Variants in AKT3 observed in about 807,000 individuals in gnomAD.
AKT3 encodes the protein RAC-gamma serine/threonine-protein kinase.
A neutral mutation model predicts 65.3 loss-of-function variants in AKT3; 15 were observed. The observed-to-expected ratio is 0.23, with a 90% CI of 0.15 to 0.35. The LOEUF is 0.35. AKT3 is among the 10% of genes least tolerant of loss of function. The pLI is 1.00. For synonymous variants in AKT3, 206 were observed against 183.8 expected (o/e 1.12, Z -0.98); for missense variants, 243 against 576.5 (o/e 0.42, Z 5.92).
At chr1:243,665,176 T>C (rs1469245212) in intron 3 of AKT3, among the ~76,000 whole-genome samples, 1 of 152,198 alleles carries the variant, frequency 6.6e-6, no homozygotes, top group Non-Finnish European at 1.5e-5. Flanking sequence ...CTGAAATACT[T>C]TCCTCACTTA....
At chr1:243,731,431 T>A (rs1296258807) in intron 2 of AKT3, among the ~76,000 whole-genome samples, 1 of 152,184 alleles carries the variant, frequency 6.6e-6, no homozygotes, top group Admixed American at 6.5e-5. Context: ...TCTTACTGGA[T>A]GGTCTCAGTA....
At chr1:243,780,676 A>G (rs1029058204) in intron 2 of AKT3, among the ~76,000 whole-genome samples, 2 of 151,804 alleles carry the variant, frequency 1.3e-5, no homozygotes, top group Non-Finnish European at 2.9e-5. Context: ...AGATAATACA[A>G]CTATGGAAAA....
chr1:243,526,777 GTTAAAA>G (rs1671116507), intron 12 of AKT3, among the ~76,000 whole-genome samples: 1 of 1,714 alleles, frequency 5.8e-4, no homozygotes. Context: ...ACAAAAAATG[GTTAAAA>G]AAAAAAAAAA....
chr1:243,739,973 A>G (rs758023726), intron 2 of AKT3, among the ~76,000 whole-genome samples: 3 of 152,354 alleles, frequency 2.0e-5, no homozygotes, highest in East Asian at 1.9e-4. Context: ...TTGTATCCCC[A>G]GCATTTATCA....
intron 2 of AKT3, among the ~76,000 whole-genome samples, chr1:243,783,729 A>G (rs1030203013): frequency 1.3e-5 from 2 of 152,164 alleles, no homozygotes; most frequent in African/African-American, 2.4e-5. Flanking sequence ...CTATAACAAA[A>G]TATGTTTAAC....
At chr1:243,746,069 A>G (rs1558773370) in intron 2 of AKT3, among the ~76,000 whole-genome samples, 1 of 152,228 alleles carries the variant, frequency 6.6e-6, no homozygotes, top group Non-Finnish European at 1.5e-5. Context: ...GTGGAATCAA[A>G]AAGATCTTTC....
intron 4 of AKT3, among the ~76,000 whole-genome samples, chr1:243,647,218 A>G (rs956233771): frequency 1.3e-5 from 2 of 152,232 alleles, no homozygotes; most frequent in Non-Finnish European, 2.9e-5. Flanking sequence ...GTTTCAGTCA[A>G]TGATGGACTG....
At chr1:243,497,675 A>G (rs1451284023), downstream of AKT3, among the ~76,000 whole-genome samples, 1 of 152,094 alleles carries the variant, frequency 6.6e-6, no homozygotes, top group Non-Finnish European at 1.5e-5. Flanking sequence ...ATTCCGCAAC[A>G]CATTTTACTT....
intron 4 of AKT3, among the ~76,000 whole-genome samples, chr1:243,659,575 GA>G (rs1682116990): frequency 6.6e-6 from 1 of 151,848 alleles, no homozygotes; most frequent in East Asian, 1.9e-4. Context: ...GGTCAAAGGG[GA>G]AAAAAAGACT....
chr1:243,795,476 G>GTTTTTTTTTTTTTTT (rs11440720), intron 2 of AKT3, among the ~76,000 whole-genome samples: 1 of 109,866 alleles, frequency 9.1e-6, no homozygotes, highest in African/African-American at 3.6e-5. Flanking sequence ...TTTTTTTTTG[G>GTTTTTTTTTTTTTTT]TTTTTTTTTT....
intron 2 of AKT3, among the ~76,000 whole-genome samples, chr1:243,833,080 T>C (rs561473671): frequency 6.6e-6 from 1 of 151,950 alleles, no homozygotes; most frequent in East Asian, 1.9e-4. Flanking sequence ...GCCAACATGG[T>C]GAAACCCCGT....
chr1:243,625,384 T>C (rs1679085417), intron 6 of AKT3, among the ~76,000 whole-genome samples: 1 of 151,544 alleles, frequency 6.6e-6, no homozygotes, highest in Admixed American at 6.6e-5. Flanking sequence ...CTGCCCGACT[T>C]GGCCTCCCAA....
At chr1:243,613,576 T>G in intron 8 of AKT3, 95 bp downstream of exon 8, 3 of 909,168 alleles carry the variant, frequency 3.3e-6, no homozygotes, top group Non-Finnish European at 4.8e-6. Context: ...TATCAAGAAA[T>G]GGAGAACTGC....
chr1:243,818,728 C>T (rs1488218106), intron 2 of AKT3, among the ~76,000 whole-genome samples: 1 of 151,944 alleles, frequency 6.6e-6, no homozygotes, highest in South Asian at 2.1e-4. Flanking sequence ...CAATGACAGG[C>T]GCCAAGATGG....
intron 2 of AKT3, among the ~76,000 whole-genome samples, chr1:243,828,909 T>C (rs1239941262): frequency 1.3e-5 from 2 of 152,134 alleles, no homozygotes; most frequent in Non-Finnish European, 2.9e-5. Flanking sequence ...TAAGTCAAAC[T>C]AGTCACTTTT....
intron 2 of AKT3, among the ~76,000 whole-genome samples, chr1:243,739,844 G>A (rs1297379011): frequency 6.6e-6 from 1 of 152,140 alleles, no homozygotes; most frequent in African/African-American, 2.4e-5. Context: ...TGTCCCCTTT[G>A]GCATGTGCTG....
At chr1:243,583,617 A>C (rs1031433204) in intron 8 of AKT3, among the ~76,000 whole-genome samples, 3 of 151,788 alleles carry the variant, frequency 2.0e-5, no homozygotes, top group African/African-American at 7.2e-5. Flanking sequence ...CATACTAACC[A>C]TAATCTTGGA....
Position 243,501,369 on chromosome 1 carries a change from C to T in AKT3, c.*3880G>A, listed in dbSNP as rs188241383. ...GCAGAGCAGTACATTATCAGGAAGACGTTAATGAAAAGCTACATTCCTTCA... is the reference window on the plus strand; with the variant it reads ...GCAGAGCAGTACATTATCAGGAAGATGTTAATGAAAAGCTACATTCCTTCA... On this transcript the variant is annotated 3_prime_UTR_variant, in exon 14 of 14. Transcript: ENST00000673466. 14 of 233,176 alleles carry T rather than the reference C, an allele frequency of 6.0e-5. No homozygotes were observed. Among genetic ancestry groups the T allele is most frequent in the Middle Eastern group, 1.3e-3 (1 of 786 alleles). The allele number at this position is 233,176 out of a possible 1,614,324, so 14.4% of individuals were successfully genotyped here.
chr1:243,684,826 CCTGA>C (rs1684171866), intron 3 of AKT3, among the ~76,000 whole-genome samples: 1 of 152,142 alleles, frequency 6.6e-6, no homozygotes, highest in African/African-American at 2.4e-5. Context: ...TCTGTTGTTT[CCTGA>C]CTTTTTAATG....
Sources: allele counts gnomAD v4.1 joint callset (sites outside exome capture counted in the v4.1 genomes callset), GRCh38; gene constraint gnomAD v4.1.1; transcripts MANE v1.5; gene names NCBI Gene and HGNC (gene_info 2026-07-23, HGNC 2026-07-21).